PCDHGB1: variants seen among roughly 807,000 people sequenced by gnomAD.
The protein encoded by PCDHGB1 is protocadherin gamma subfamily B, 1, also known as protocadherin gamma-B1.
PCDHGB1 carries 34 observed loss-of-function variants against 56.6 expected under a neutral mutation model. The ratio of observed to expected loss-of-function variants is 0.60; its 90% CI spans 0.46 to 0.80. The LOEUF (loss-of-function observed/expected upper bound fraction) is 0.80. Among genes scored for constraint, PCDHGB1 ranks in the 30% least tolerant of loss-of-function variants. The pLI is 0.00. For missense variants in PCDHGB1, 1,278 were observed against 1,204.6 expected, an observed-to-expected ratio of 1.06 and a Z score of -0.90; for synonymous variants, 561 against 505.9, an observed-to-expected ratio of 1.11 and a Z score of -1.46.
chr5:141,389,791 TC>T (rs754420674), intron 1 of PCDHGB1: 1 of 1,613,408 alleles, frequency 6.2e-7, no homozygotes, highest in Non-Finnish European at 8.5e-7. Context: ...AGGGACGCCG[TC>T]CGCCAGCGCC....
At chr5:141,385,585 C>G (rs1051281848) in intron 1 of PCDHGB1, 41 of 1,267,842 alleles carry the variant, frequency 3.2e-5, no homozygotes, top group Admixed American at 1.9e-4. Context: ...AATCTATGTT[C>G]CAACCTACTT....
At chr5:141,450,888 G>C (rs1038570371) in intron 1 of PCDHGB1, among the ~76,000 whole-genome samples, 27 of 145,380 alleles carry the variant, frequency 1.9e-4, no homozygotes, top group Non-Finnish European at 3.9e-4. Flanking sequence ...GCAGTGGTGC[G>C]ATATCGGCTC....
Position 141,420,141 on chromosome 5 carries a change from T to C in PCDHGB1, c.2409+67472T>C, listed in dbSNP as rs556066866. 9.9e-6 allele frequency: 16 copies of C among 1,614,040 alleles called. No homozygotes were observed. The East Asian group carries it at 3.3e-4, about 34-fold the overall frequency. On this transcript the variant is annotated intron_variant, in intron 1 of 3. Coordinates refer to ENST00000523390, the MANE Select transcript of PCDHGB1 (RefSeq NM_018922.3). ...AATTTTTGTGTGCCTGGGGATCAAA[T>C]GAATCCAGAATTTAATTTTTTCACA... is the stretch of plus-strand genomic sequence containing the variant.
At chr5:141,492,382 T>C (rs71583650) in intron 1 of PCDHGB1, among the ~76,000 whole-genome samples, 2,103 of 152,322 alleles carry the variant, frequency 0.014, 36 homozygotes, top group African/African-American at 0.031. Flanking sequence ...ACAGGCCTGT[T>C]CCGGTCCACT....
intron 1 of PCDHGB1, chr5:141,419,425 C>A (rs3749766): frequency 2.5e-6 from 4 of 1,613,316 alleles, no homozygotes; most frequent in Non-Finnish European, 3.4e-6. Context: ...CCTTCGACCA[C>A]GAGCAGCTGC....
intron 1 of PCDHGB1, among the ~76,000 whole-genome samples, chr5:141,368,076 A>G (rs1765474511): frequency 6.6e-6 from 1 of 152,210 alleles, no homozygotes; most frequent in South Asian, 2.1e-4. Flanking sequence ...TCCCTTCTGC[A>G]TCTGATTTGC....
chr5:141,387,752 GGAAAAAGAAGAATTTTTTCTT>G, intron 1 of PCDHGB1: 1 of 1,398,886 alleles, frequency 7.1e-7, no homozygotes, highest in Non-Finnish European at 9.5e-7. Context: ...CTTCCTCCTC[GGAAAAAGAAGAATTTTTTCTT>G]GAACTGGAAC....
In PCDHGB1 at chr5:141,366,067, T is replaced by C. The variant is rs11750908; in HGVS notation, c.2409+13398T>C. 6.6e-3 allele frequency: 10,611 copies of C among 1,614,204 alleles called. 55 individuals carry two copies. Among genetic ancestry groups the C allele is most frequent in the Non-Finnish European group, 7.8e-3 (9,251 of 1,180,030 alleles). On this transcript the variant is annotated intron_variant, in intron 1 of 3. Coordinates refer to ENST00000523390, the MANE Select transcript of PCDHGB1 (RefSeq NM_018922.3). ...GTTCCACGGGCGTGGAGCTGGCGCCTCGCTCCGCAGAACCTGGCTACCTGG... is the reference window on the plus strand; with the variant it reads ...GTTCCACGGGCGTGGAGCTGGCGCCCCGCTCCGCAGAACCTGGCTACCTGG...
chr5:141,462,818 C>T (rs1280335120), intron 1 of PCDHGB1, among the ~76,000 whole-genome samples: 1 of 152,120 alleles, frequency 6.6e-6, no homozygotes, highest in East Asian at 1.9e-4. Flanking sequence ...TTTTATTGGA[C>T]AGCAGACATT....
rs756833632 is a variant in PCDHGB1, at chr5:141,393,904, CA to C, written c.2409+41236del. Reference sequence around the variant, plus strand: ...GTGTTAGAAAATTCTCTTCCCGGGACAGTAATTGCCTTCTTGAGTGTGCATG... The same window carrying C: ...GTGTTAGAAAATTCTCTTCCCGGGACGTAATTGCCTTCTTGAGTGTGCATG... On this transcript the variant is annotated intron_variant, in intron 1 of 3. Transcript: ENST00000523390. The C allele has an allele frequency of 1.9e-6, 3 of 1,613,918 alleles. No individual in the cohort carries two copies. In the East Asian group the frequency reaches 6.7e-5, roughly 36 times the overall value.
intron 1 of PCDHGB1, among the ~76,000 whole-genome samples, chr5:141,373,358 T>C (rs1769516017): frequency 6.6e-6 from 1 of 152,204 alleles, no homozygotes; most frequent in Non-Finnish European, 1.5e-5. Flanking sequence ...TAATGGGCAC[T>C]GTAATGAATT....
At position 141,489,783 on chromosome 5, in the gene PCDHGB1, T is replaced by C; in HGVS notation, c.2410-5024T>C. The C allele has an allele frequency of 6.2e-7, 1 of 1,614,164 alleles. No individual in the cohort carries two copies. On this transcript the variant is annotated intron_variant, in intron 1 of 3. Transcript: ENST00000523390. The surrounding 1 kb of genome is among the most constrained non-coding windows in gnomAD (Gnocchi z 4.5). ...GCCCCAACAGCCACTTCTCTCTGAA[T>C]GTGAAGACCCTAAAAGATGGGAAGC... is the stretch of plus-strand genomic sequence containing the variant.
intron 1 of PCDHGB1, chr5:141,442,382 T>C (rs1256682275): frequency 6.6e-6 from 1 of 152,290 alleles, no homozygotes; most frequent in East Asian, 1.9e-4. Flanking sequence ...CTACCAGGTG[T>C]GTGCTTCTCC....
chr5:141,384,152 A>T (rs1588962194), intron 1 of PCDHGB1: 2 of 1,613,508 alleles, frequency 1.2e-6, no homozygotes, highest in Non-Finnish European at 1.7e-6. Flanking sequence ...CTCTCTTTGT[A>T]TAACATCACA....
chr5:141,418,430 T>G (rs1331082135), intron 1 of PCDHGB1: 1 of 1,613,908 alleles, frequency 6.2e-7, no homozygotes, highest in South Asian at 1.1e-5. Flanking sequence ...TGGTGGCAAA[T>G]ATCCAGAATT....
intron 1 of PCDHGB1, chr5:141,394,371 T>G: frequency 6.2e-7 from 1 of 1,614,174 alleles, no homozygotes; most frequent in Non-Finnish European, 8.5e-7. Context: ...GCTGCAATCT[T>G]TCGACTATGA....
At chr5:141,422,126 GAGA>G (rs767100115) in intron 1 of PCDHGB1, 2 of 1,601,210 alleles carry the variant, frequency 1.2e-6, no homozygotes, top group South Asian at 2.3e-5. Context: ...TCACAAACTG[GAGA>G]AGTTCAAGTA....
intron 1 of PCDHGB1, chr5:141,421,419 A>T (rs778839137): frequency 1.2e-6 from 2 of 1,614,072 alleles, no homozygotes; most frequent in Non-Finnish European, 1.7e-6. Context: ...CGAAGCGCGG[A>T]GTCCGCATCG....
intron 1 of PCDHGB1, chr5:141,409,913 G>A: frequency 6.2e-7 from 1 of 1,613,334 alleles, no homozygotes; most frequent in South Asian, 1.1e-5. Flanking sequence ...GGGTCCTGAC[G>A]GCTCCGCGTT....
Sources: allele counts gnomAD v4.1 joint callset (sites outside exome capture counted in the v4.1 genomes callset), GRCh38; gene constraint gnomAD v4.1.1; non-coding constraint Gnocchi (gnomAD v3.1); transcripts MANE v1.5; gene names NCBI Gene and HGNC (gene_info 2026-07-23, HGNC 2026-07-21).